The following ZHX2 variants were observed in gnomAD, a reference collection of about 807,000 sequenced individuals.
The protein encoded by ZHX2 is zinc fingers and homeoboxes protein 2.
A neutral mutation model predicts 21.9 loss-of-function variants in ZHX2; 6 were observed. The ratio of observed to expected loss-of-function variants is 0.27; its 90% CI spans 0.15 to 0.54. The LOEUF is 0.54. Among genes scored for constraint, ZHX2 ranks in the 20% least tolerant of loss-of-function variants. ZHX2 has a pLI of 0.95. For synonymous variants in ZHX2, 434 were observed against 437.1 expected (o/e 0.99, Z 0.09); for missense variants, 908 against 1,090.7 (o/e 0.83, Z 2.36).
chr8:122,917,458 T>C (rs775387307), intron 2 of ZHX2, among the ~76,000 whole-genome samples: 20 of 151,454 alleles, frequency 1.3e-4, no homozygotes, highest in Non-Finnish European at 2.7e-4. Flanking sequence ...AACCCTCATC[T>C]CTCCCCACCC....
At chr8:122,795,148 A>G (rs371781073) in intron 1 of ZHX2, among the ~76,000 whole-genome samples, 1 of 152,220 alleles carries the variant, frequency 6.6e-6, no homozygotes, top group Non-Finnish European at 1.5e-5. Flanking sequence ...CTCTGTCACT[A>G]CAGCCTATAG....
chr8:122,960,093 C>A (rs923497834), intron 3 of ZHX2, among the ~76,000 whole-genome samples: 1 of 152,118 alleles, frequency 6.6e-6, no homozygotes, highest in Non-Finnish European at 1.5e-5. Context: ...TCATGGAGCC[C>A]TTGGTCTAAT....
At chr8:122,959,355 T>A (rs1390565020) in intron 3 of ZHX2, among the ~76,000 whole-genome samples, 1 of 152,216 alleles carries the variant, frequency 6.6e-6, no homozygotes, top group Non-Finnish European at 1.5e-5. Context: ...CACACTCTGT[T>A]CAGATTAGCT....
intron 3 of ZHX2, among the ~76,000 whole-genome samples, chr8:122,967,424 G>A (rs553305274): frequency 6.6e-6 from 1 of 152,086 alleles, no homozygotes; most frequent in African/African-American, 2.4e-5. Flanking sequence ...TGCCCTTCTG[G>A]GTCTAGCCAC....
In ZHX2 at chr8:122,973,336, A is replaced by G. The variant is rs1403674239; in HGVS notation, c.*99A>G. 6.5e-6 allele frequency: 1 copy of G among 152,770 alleles called. No homozygotes were observed. Among genetic ancestry groups the G allele is most frequent in the Non-Finnish European group, 1.5e-5 (1 of 68,126 alleles). 9.5% of individuals were successfully genotyped at this position (152,770 alleles called of 1,614,324 possible). A position where few individuals can be genotyped will look rare whatever the true frequency, so the allele number is the denominator to read the frequency against. On this transcript the variant is annotated 3_prime_UTR_variant, in exon 4 of 4. Coordinates refer to ENST00000314393, the MANE Select transcript of ZHX2 (RefSeq NM_014943.5). Reference sequence around the variant, plus strand: ...TCCCCAGCCATGGGCCACCCTTGCCAGTGACTCCAAGTGGAACTACTTAGC... The same window carrying G: ...TCCCCAGCCATGGGCCACCCTTGCCGGTGACTCCAAGTGGAACTACTTAGC...
chr8:122,793,223 G>C (rs1422491218), intron 1 of ZHX2, among the ~76,000 whole-genome samples: 2 of 152,210 alleles, frequency 1.3e-5, no homozygotes, highest in Non-Finnish European at 2.9e-5. Context: ...CTTACCTCCT[G>C]TGAGGATACC....
chr8:122,922,727 A>G (rs974878360), intron 2 of ZHX2, among the ~76,000 whole-genome samples: 3 of 152,198 alleles, frequency 2.0e-5, no homozygotes, highest in African/African-American at 7.2e-5. Flanking sequence ...TTTGCCTTGC[A>G]TTGGCTATGG....
At chr8:122,878,045 A>T (rs569257432) in intron 2 of ZHX2, among the ~76,000 whole-genome samples, 8 of 151,664 alleles carry the variant, frequency 5.3e-5, no homozygotes, top group Non-Finnish European at 1.2e-4. Flanking sequence ...CACTGGGTGG[A>T]CTAATATGAG....
chr8:122,866,495 A>G (rs1256796134), intron 2 of ZHX2, among the ~76,000 whole-genome samples: 1 of 152,208 alleles, frequency 6.6e-6, no homozygotes, highest in Non-Finnish European at 1.5e-5. Context: ...CTTAGTGGAT[A>G]GCAGGATTGT....
chr8:122,784,198 A>T (rs932544018), intron 1 of ZHX2, among the ~76,000 whole-genome samples: 6 of 152,206 alleles, frequency 3.9e-5, no homozygotes, highest in Admixed American at 2.0e-4. Context: ...GGACCATGTG[A>T]TTTGGTGGGA....
intron 2 of ZHX2, among the ~76,000 whole-genome samples, chr8:122,919,050 C>A (rs1820674293): frequency 6.6e-6 from 1 of 152,156 alleles, no homozygotes; most frequent in African/African-American, 2.4e-5. Context: ...TTCCTCCACT[C>A]TCATTTTGTA....
intron 2 of ZHX2, among the ~76,000 whole-genome samples, chr8:122,909,972 G>A (rs997642393): frequency 6.6e-6 from 1 of 152,078 alleles, no homozygotes; most frequent in Non-Finnish European, 1.5e-5. Flanking sequence ...CAGCCTCTCA[G>A]AAAAGATTTG....
intron 2 of ZHX2, among the ~76,000 whole-genome samples, chr8:122,894,177 G>T (rs1326319047): frequency 2.6e-5 from 4 of 152,230 alleles, no homozygotes; most frequent in Non-Finnish European, 4.4e-5. Flanking sequence ...TGCCAGGCAG[G>T]CTGATGCTTG....
chr8:122,923,153 G>A (rs916708950), intron 2 of ZHX2, among the ~76,000 whole-genome samples: 2 of 152,358 alleles, frequency 1.3e-5, no homozygotes, highest in Middle Eastern at 3.4e-3. Flanking sequence ...AACTATTGCT[G>A]CACAGCAAAC....
At chr8:122,937,103 G>A (rs904378541) in intron 2 of ZHX2, among the ~76,000 whole-genome samples, 18 of 152,248 alleles carry the variant, frequency 1.2e-4, no homozygotes, top group African/African-American at 4.1e-4. Context: ...GCACTAGGTA[G>A]GCAATGCCTG....
intron 2 of ZHX2, among the ~76,000 whole-genome samples, chr8:122,864,986 G>T (rs1272780402): frequency 6.6e-6 from 1 of 152,170 alleles, no homozygotes; most frequent in African/African-American, 2.4e-5. Context: ...CAGAGACGGT[G>T]TTTTTCTTTA....
At chr8:122,931,236 C>T (rs1820984563) in intron 2 of ZHX2, among the ~76,000 whole-genome samples, 1 of 152,172 alleles carries the variant, frequency 6.6e-6, no homozygotes, top group Admixed American at 6.5e-5. Flanking sequence ...CCACGCCTGG[C>T]GCCTCCAGGA....
At chr8:122,866,206 G>T (rs1586341083) in intron 2 of ZHX2, among the ~76,000 whole-genome samples, 1 of 152,182 alleles carries the variant, frequency 6.6e-6, no homozygotes, top group Non-Finnish European at 1.5e-5. Context: ...AGGTAGTGTG[G>T]TCTCAAGCCA....
At chr8:122,915,770 A>G (rs941092782) in intron 2 of ZHX2, among the ~76,000 whole-genome samples, 6 of 152,174 alleles carry the variant, frequency 3.9e-5, no homozygotes, top group Non-Finnish European at 5.9e-5. Context: ...GTGGAGTCTT[A>G]TTTTGTGATG....
Sources: allele counts gnomAD v4.1 joint callset (sites outside exome capture counted in the v4.1 genomes callset), GRCh38; gene constraint gnomAD v4.1.1; transcripts MANE v1.5; gene names NCBI Gene and HGNC (gene_info 2026-07-23, HGNC 2026-07-21).